The following FSTL5 variants were observed in gnomAD, a reference collection of about 807,000 sequenced individuals.
FSTL5 encodes follistatin like 5, also known as follistatin-related protein 5.
FSTL5 carries 62 observed loss-of-function variants against 89.1 expected under a neutral mutation model. The ratio of observed to expected loss-of-function variants is 0.70; its 90% CI spans 0.57 to 0.86. The LOEUF (loss-of-function observed/expected upper bound fraction) is 0.86, where lower values mean the gene tolerates loss of function less well. FSTL5 is among the 40% of genes least tolerant of loss of function. The pLI is 0.00. For missense variants in FSTL5, 1,057 were observed against 1,001.6 expected (o/e 1.06, Z -0.75); for synonymous variants, 383 against 346.2 (o/e 1.11, Z -1.18).
At chr4:161,975,816 A>G (rs1272476242) in intron 3 of FSTL5, among the ~76,000 whole-genome samples, 1 of 149,488 alleles carries the variant, frequency 6.7e-6, no homozygotes, top group Non-Finnish European at 1.5e-5. Context: ...TAAATAAAAA[A>G]AAGATTATCT....
chr4:162,026,389 C>T, intron 3 of FSTL5, among the ~76,000 whole-genome samples: 2 of 133,200 alleles, frequency 1.5e-5, no homozygotes, highest in Admixed American at 8.6e-5. Flanking sequence ...GCCACTGCAA[C>T]CTACTTCTCC....
At chr4:162,092,065 C>T (rs1730571656) in intron 2 of FSTL5, among the ~76,000 whole-genome samples, 2 of 151,858 alleles carry the variant, frequency 1.3e-5, no homozygotes, top group East Asian at 1.9e-4. Context: ...TCAATATTTT[C>T]ACAACTTTTT....
At position 161,994,161 on chromosome 4, in the gene FSTL5, C is replaced by T. The variant is rs148449455; in HGVS notation, c.160+39464G>A. On this transcript the variant is annotated intron_variant, in intron 3 of 15. Transcript: ENST00000306100. ...AACATGTGGTATTTGGTTTTCTGTT[C>T]CTATGTTAGTTTGCTAATAATGGCC... is the stretch of plus-strand genomic sequence containing the variant. 8.7e-3 allele frequency among the ~76,000 whole-genome samples: 1,318 copies of T among 152,174 alleles called. 25 individuals carry two copies. Among genetic ancestry groups the T allele is most frequent in the African/African-American group, 0.03 (1,258 of 41,514 alleles).
chr4:161,976,576 T>G (rs1289391561), intron 3 of FSTL5, among the ~76,000 whole-genome samples: 1 of 152,018 alleles, frequency 6.6e-6, no homozygotes, highest in Non-Finnish European at 1.5e-5. Context: ...CCGCCTTCCG[T>G]GTTCACGCCA....
At chr4:161,401,245 T>C (rs1169202296) in intron 15 of FSTL5, among the ~76,000 whole-genome samples, 1 of 152,222 alleles carries the variant, frequency 6.6e-6, no homozygotes, top group East Asian at 1.9e-4. Flanking sequence ...TTTAGTAGCC[T>C]TTCTCTGATG....
intron 4 of FSTL5, among the ~76,000 whole-genome samples, chr4:161,914,900 C>G (rs1267056577): frequency 6.6e-6 from 1 of 152,148 alleles, no homozygotes; most frequent in Non-Finnish European, 1.5e-5. Context: ...ATGATTTAAT[C>G]TTCACCAATA....
At chr4:161,899,919 G>T (rs1358817534) in intron 4 of FSTL5, among the ~76,000 whole-genome samples, 6 of 152,214 alleles carry the variant, frequency 3.9e-5, no homozygotes, top group Non-Finnish European at 8.8e-5. Context: ...CTTTGGCTGA[G>T]CGTGGTGGCT....
chr4:161,935,468 T>C (rs1198151409), intron 3 of FSTL5, among the ~76,000 whole-genome samples: 1 of 152,130 alleles, frequency 6.6e-6, no homozygotes, highest in Non-Finnish European at 1.5e-5. Flanking sequence ...CTCATAGAAC[T>C]AAGGAAGTTA....
intron 3 of FSTL5, among the ~76,000 whole-genome samples, chr4:162,004,800 T>G (rs1388035731): frequency 1.3e-5 from 2 of 152,196 alleles, no homozygotes; most frequent in East Asian, 3.9e-4. Context: ...GTAGTAATGA[T>G]CACTATGTAA....
intron 15 of FSTL5, among the ~76,000 whole-genome samples, chr4:161,437,560 C>T (rs990797689): frequency 3.0e-3 from 43 of 14,246 alleles, no homozygotes; most frequent in African/African-American, 0.01. Context: ...AGTGAGACTC[C>T]GTCTCAAAAA....
intron 8 of FSTL5, among the ~76,000 whole-genome samples, chr4:161,576,211 G>A (rs1308449444): frequency 1.3e-5 from 2 of 152,096 alleles, no homozygotes; most frequent in East Asian, 1.9e-4. Context: ...TCATAGATAG[G>A]AAGAATCAAT....
chr4:161,691,099 T>TA (rs1467028230), intron 6 of FSTL5, among the ~76,000 whole-genome samples: 4 of 152,150 alleles, frequency 2.6e-5, no homozygotes, highest in Admixed American at 1.3e-4. Flanking sequence ...GCTTTTTATG[T>TA]AAAATCAAAT....
intron 4 of FSTL5, among the ~76,000 whole-genome samples, chr4:161,803,596 C>G (rs1000937928): frequency 6.6e-6 from 1 of 151,772 alleles, no homozygotes; most frequent in Non-Finnish European, 1.5e-5. Flanking sequence ...TAAGACAACT[C>G]AACTGTATTA....
chr4:161,691,331 C>A (rs2126719589), intron 6 of FSTL5, among the ~76,000 whole-genome samples: 1 of 152,162 alleles, frequency 6.6e-6, no homozygotes, highest in Non-Finnish European at 1.5e-5. Context: ...CTCACATGTT[C>A]AAAATCAATT....
At chr4:161,473,040 T>A (rs1734004044) in intron 13 of FSTL5, among the ~76,000 whole-genome samples, 1 of 152,132 alleles carries the variant, frequency 6.6e-6, no homozygotes, top group Non-Finnish European at 1.5e-5. Flanking sequence ...ACTTTTAAAA[T>A]CTATTGAGAC....
chr4:162,133,850 C>G (rs1336784301), intron 1 of FSTL5, among the ~76,000 whole-genome samples: 1 of 152,184 alleles, frequency 6.6e-6, no homozygotes, highest in Non-Finnish European at 1.5e-5. Context: ...AACTTCCTTT[C>G]TTCTCAGTAA....
chr4:161,778,970 A>G (rs888406319), intron 4 of FSTL5, among the ~76,000 whole-genome samples: 10 of 152,224 alleles, frequency 6.6e-5, no homozygotes, highest in African/African-American at 2.2e-4. Flanking sequence ...TATTGCCTTC[A>G]TTTCTATCAA....
intron 6 of FSTL5, among the ~76,000 whole-genome samples, chr4:161,680,854 T>C (rs997683708): frequency 6.6e-6 from 1 of 151,988 alleles, no homozygotes; most frequent in Admixed American, 6.6e-5. Context: ...ATATGGCACA[T>C]TAAAAGACTG....
chr4:161,852,502 C>T (rs571275111), intron 4 of FSTL5, among the ~76,000 whole-genome samples: 2 of 152,282 alleles, frequency 1.3e-5, no homozygotes, highest in South Asian at 2.1e-4. Flanking sequence ...AATGGTTTTA[C>T]ACTGTTGGTG....
Sources: allele counts gnomAD v4.1 joint callset (sites outside exome capture counted in the v4.1 genomes callset), GRCh38; gene constraint gnomAD v4.1.1; transcripts MANE v1.5; gene names NCBI Gene and HGNC (gene_info 2026-07-23, HGNC 2026-07-21).